The following CRYBG2 variants were observed in gnomAD, a reference collection of about 807,000 sequenced individuals.
The protein encoded by CRYBG2 is crystallin beta-gamma domain containing 2.
A neutral mutation model predicts 153.4 loss-of-function variants in CRYBG2; 106 were observed. The ratio of observed to expected loss-of-function variants is 0.69; its 90% CI spans 0.59 to 0.81. The LOEUF is 0.81. CRYBG2 is among the 30% of genes least tolerant of loss of function. The probability of loss-of-function intolerance (pLI) is 0.00; values close to 1 mark genes in which losing one functional copy is unlikely to be tolerated. For missense variants in CRYBG2, 1,996 were observed against 2,112.0 expected (o/e 0.95, Z 1.08); for synonymous variants, 851 against 877.8 (o/e 0.97, Z 0.54).
intron 8 of CRYBG2, 54 bp from the exon 9 acceptor site, chr1:26,337,728 T>C (rs4072445): frequency 0.29 from 453,954 of 1,589,342 alleles, 66,804 homozygotes; most frequent in Non-Finnish European, 0.31. Context: ...CCCAGCCAGC[T>C]CAGGAATGGC....
rs541915347 is a variant in CRYBG2 at position 26,344,046 on chromosome 1, G to A, written c.2612C>T (p.Ser871Phe). 1.3e-6 allele frequency: 2 copies of A among 1,536,164 alleles called. No individual in the cohort carries two copies. The highest frequency in any genetic ancestry group is 2.7e-5 in the African/African-American group (2 of 73,168). The change falls in exon 2 of 20, where the codon TCT (serine) becomes TTT (phenylalanine). Residue 871 changes from serine to phenylalanine, a missense_variant. Physicochemically the swap from Ser to Phe is radical, Grantham distance 155. Coordinates refer to ENST00000308182, the MANE Select transcript of CRYBG2 (RefSeq NM_001039775.4). ...HPARPTQVSC[S>F]PLEMMKKHVA... ...ATGCTTCTTCATCATCTCCAGAGGAGAGCAGGAGACCTGGGTGGGTCTGGC... is the reference window on the plus strand; with the variant it reads ...ATGCTTCTTCATCATCTCCAGAGGAAAGCAGGAGACCTGGGTGGGTCTGGC...
rs1346701006 is a variant in CRYBG2 at position 26,339,191 on chromosome 1, C to T, written c.3344+99G>A. On this transcript the variant is annotated intron_variant, in intron 6 of 19. Transcript: ENST00000308182. ...TGCCTGTCCCCACCAGTGGACTGAG[C>T]ACTCCTGAAGGCAGGAACTGTGTTC... is the stretch of plus-strand genomic sequence containing the variant. The T allele has an allele frequency of 2.1e-6, 3 of 1,452,130 alleles. No individual in the cohort carries two copies. The Admixed American group carries it at 6.6e-5, about 32-fold the overall frequency. The allele number at this position is 1,452,130 out of a possible 1,614,324, so 90.0% of individuals were successfully genotyped here.
Position 26,327,753 on chromosome 1 carries a change from T to C in CRYBG2, c.4578+456A>G, listed in dbSNP as rs140299310. On this transcript the variant is annotated intron_variant, in intron 17 of 19. Transcript: ENST00000308182. The stretch of plus-strand genomic sequence containing the variant: ...CTTGAGGTCAGGAATTGGAGACCAG[T>C]CTGGCCAACATGGTGAAACCCTGCC... Among the ~76,000 whole-genome samples the C allele has an allele frequency of 4.7e-3, 714 of 151,638 alleles. 6 individuals carry two copies. The highest frequency in any genetic ancestry group is 0.016 in the African/African-American group (675 of 41,354).
At chr1:26,324,391 C>T (rs1028985036) in intron 17 of CRYBG2, 81 bp from the exon 18 acceptor site, 5 of 1,414,830 alleles carry the variant, frequency 3.5e-6, no homozygotes, top group Non-Finnish European at 4.7e-6. Flanking sequence ...TCTGGACTCT[C>T]CAGTATCAGG....
At chr1:26,334,278 A>T (rs2074029578) in intron 14 of CRYBG2, among the ~76,000 whole-genome samples, 1 of 152,180 alleles carries the variant, frequency 6.6e-6, no homozygotes, top group Non-Finnish European at 1.5e-5. Flanking sequence ...TTAAAAAATT[A>T]GCCGGGCGCG....
rs1303625630 is a variant in CRYBG2 at position 26,336,439 on chromosome 1, A to G, written c.4039-69T>C. ...CCTAGCCTTGTCTTCTCTAGGTTTC[A>G]GTACCGTCCACCCCGCGGCCGCGCC... is the stretch of plus-strand genomic sequence containing the variant. On this transcript the variant is annotated intron_variant, in intron 12 of 19. Transcript: ENST00000308182. This position sits in a 1 kb window ranked among gnomAD's most constrained non-coding sequence, Gnocchi z 4.9. 5 of 1,586,318 alleles carry G rather than the reference A, an allele frequency of 3.2e-6. No individual in the cohort carries two copies. In the East Asian group the frequency reaches 7.0e-5, roughly 22 times the overall value.
rs907329811 is a variant in CRYBG2 at position 26,325,839 on chromosome 1, C to T, written c.4579-1529G>A. Reference sequence around the variant, plus strand: ...AGAAACACATATGCAGGCAGTGCTTCCCCAAGTGAGGTATGCTTACTACCA... The same window carrying T: ...AGAAACACATATGCAGGCAGTGCTTTCCCAAGTGAGGTATGCTTACTACCA... On this transcript the variant is annotated intron_variant, in intron 17 of 19. Coordinates refer to ENST00000308182, the MANE Select transcript of CRYBG2 (RefSeq NM_001039775.4). The surrounding 1 kb of genome is among the most constrained non-coding windows in gnomAD (Gnocchi z 4.1). Among the ~76,000 whole-genome samples, 2 of 152,214 alleles carry T rather than the reference C, an allele frequency of 1.3e-5. No homozygotes were observed. Among genetic ancestry groups the T allele is most frequent in the African/African-American group, 4.8e-5 (2 of 41,460 alleles).
intron 14 of CRYBG2, among the ~76,000 whole-genome samples, chr1:26,333,201 C>T (rs61775118): frequency 0.38 from 57,048 of 151,392 alleles, 11,356 homozygotes; most frequent in Middle Eastern, 0.48. Context: ...AGAGGTGGGG[C>T]CTTTAGGAGG....
Position 26,324,217 on chromosome 1 carries a change from C to T in CRYBG2, c.4672G>A (p.Val1558Ile). Residue 1558 changes from valine (V) to isoleucine (I), a missense_variant, in exon 18 of 20, where the codon GTC becomes ATC. By Grantham distance (29) the Val-to-Ile change is conservative (BLOSUM62 3). Coordinates refer to ENST00000308182, the MANE Select transcript of CRYBG2 (RefSeq NM_001039775.4). ...CTACCTCCAGCTTGGGGGTCGGCGA[C>T]CACCACACGGCCTGCTTTCATGTCC... ...VEDMKAGRVV[V>I]ADPQAGGSCI... is the part of the protein sequence containing the mutation. The T allele has an allele frequency of 6.2e-7, 1 of 1,613,222 alleles. No individual in the cohort carries two copies. The highest frequency in any genetic ancestry group is 1.7e-5 in the Admixed American group (1 of 59,992).
chr1:26,348,546 T>A (rs996980227), intron 1 of CRYBG2, among the ~76,000 whole-genome samples: 7 of 152,056 alleles, frequency 4.6e-5, no homozygotes, highest in Non-Finnish European at 1.0e-4. Flanking sequence ...AGAGATCTTA[T>A]CGCTAAGAAA....
rs768624703 is a variant in CRYBG2 at position 26,345,999 on chromosome 1, A to C, written c.659T>G (p.Val220Gly). The change falls in exon 2 of 20, where the codon GTG becomes GGG. Residue 220 changes from valine to glycine, a missense_variant. By Grantham distance (109) the Val-to-Gly change is moderately radical (BLOSUM62 -3). Transcript: ENST00000308182. Reference sequence around the variant, plus strand: ...CGAGCCTGGTGGGGAGCCCACCACCACTGGCGGCACCATGCGGGAGACCTG... The same window carrying C: ...CGAGCCTGGTGGGGAGCCCACCACCCCTGGCGGCACCATGCGGGAGACCTG... Reference protein sequence around the residue: ...GRQVSRMVPPVVVGSPPGSPS... With the variant: ...GRQVSRMVPPGVVGSPPGSPS... The C allele has an allele frequency of 4.8e-5, 77 of 1,593,878 alleles. No homozygotes were observed. Among genetic ancestry groups the C allele is most frequent in the Non-Finnish European group, 6.1e-5 (72 of 1,177,552 alleles).
rs1445928905 is a variant in CRYBG2, at chr1:26,342,828, C to T, written c.3130G>A (p.Gly1044Arg). Residue 1044 changes from glycine (G) to arginine (R), a missense_variant, in exon 5 of 20, where the codon GGA becomes AGA. By Grantham distance (125) the Gly-to-Arg change is moderately radical (BLOSUM62 -2). Coordinates refer to ENST00000308182, the MANE Select transcript of CRYBG2 (RefSeq NM_001039775.4). The stretch of plus-strand genomic sequence containing the variant: ...CCTGGGGTTCTGAGTTCCATGTCTC[C>T]TTCAGGCAGGACCAGCTTCTGACCC... ...FRGQKLVLPE[G>R]DMELRTPGTK... 7.4e-6 allele frequency: 12 copies of T among 1,614,048 alleles called. No individual in the cohort carries two copies. Among genetic ancestry groups the T allele is most frequent in the Non-Finnish European group, 1.0e-5 (12 of 1,180,032 alleles).
intron 5 of CRYBG2, among the ~76,000 whole-genome samples, chr1:26,340,899 G>A (rs1160315891): frequency 3.3e-5 from 5 of 151,660 alleles, no homozygotes; most frequent in Admixed American, 6.6e-5. Flanking sequence ...TTACAGGCGT[G>A]AGCCACCGCG....
chr1:26,328,898 G>T (rs991253476), intron 15 of CRYBG2, 25 bp from the exon 16 acceptor site: 2 of 1,613,036 alleles, frequency 1.2e-6, no homozygotes, highest in Non-Finnish European at 1.7e-6. Context: ...ACAGAAGAGG[G>T]TGAGGCTCTG....
Position 26,344,350 on chromosome 1 carries a change from T to C in CRYBG2, c.2308A>G (p.Thr770Ala). 6.6e-7 allele frequency: 1 copy of C among 1,505,646 alleles called. No homozygotes were observed. The highest frequency in any genetic ancestry group is 8.9e-7 in the Non-Finnish European group (1 of 1,124,420). The allele number at this position is 1,505,646 out of a possible 1,614,324, so 93.3% of individuals were successfully genotyped here. A position where few individuals can be genotyped will look rare whatever the true frequency, so the allele number is the denominator to read the frequency against. ...TCAGGGGGCTCCATGCTCCGCAGCG[T>C]ATCCAGGAATATCTCCAGGTCAGCG... ...LAADLEIFLD[T>A]LRSMEPPEIL... Residue 770 changes from threonine to alanine, a missense_variant, in exon 2 of 20, where the codon ACG (threonine) becomes GCG (alanine). Thr to Ala is a moderately conservative substitution (Grantham distance 58). Transcript: ENST00000308182.
intron 14 of CRYBG2, among the ~76,000 whole-genome samples, chr1:26,332,885 A>T (rs999372584): frequency 1.6e-4 from 24 of 151,746 alleles, no homozygotes; most frequent in African/African-American, 5.1e-4. Context: ...CCTTTTATGT[A>T]ATAAAATGGA....
chr1:26,332,812 C>T (rs940215776), intron 14 of CRYBG2, among the ~76,000 whole-genome samples: 1 of 151,638 alleles, frequency 6.6e-6, no homozygotes, highest in African/African-American at 2.4e-5. Flanking sequence ...GGCCAAAATT[C>T]ACACTTTTAA....
chr1:26,337,333 G>C lies in CRYBG2; in HGVS notation c.3691C>G (p.Leu1231Val). 1.9e-6 allele frequency: 3 copies of C among 1,614,076 alleles called. No homozygotes were observed. Among genetic ancestry groups the C allele is most frequent in the Non-Finnish European group, 2.5e-6 (3 of 1,179,962 alleles). ...KEGFRGHQYLLEEGEYPDWSH... is the reference protein window; with the variant it reads ...KEGFRGHQYLVEEGEYPDWSH... Reference sequence around the variant, plus strand: ...CAGTCTGGGTATTCCCCCTCCTCCAGCAGATACTGGTGGCCCCGGAAGCCC... The same window carrying C: ...CAGTCTGGGTATTCCCCCTCCTCCACCAGATACTGGTGGCCCCGGAAGCCC... The change falls in exon 10 of 20, where the codon CTG becomes GTG. Residue 1231 changes from leucine to valine, a missense_variant. Transcript: ENST00000308182.
intron 18 of CRYBG2, among the ~76,000 whole-genome samples, chr1:26,323,243 G>T (rs2073881889): frequency 1.3e-5 from 2 of 151,734 alleles, no homozygotes; most frequent in Admixed American, 1.3e-4. Context: ...ACCACATCCG[G>T]CTAGTTTTTT....
Sources: allele counts gnomAD v4.1 joint callset (sites outside exome capture counted in the v4.1 genomes callset), GRCh38; gene constraint gnomAD v4.1.1; non-coding constraint Gnocchi (gnomAD v3.1); transcripts MANE v1.5; gene names NCBI Gene and HGNC (gene_info 2026-07-23, HGNC 2026-07-21).